Variants in SLC66A2 observed in about 807,000 individuals in gnomAD.
The protein encoded by SLC66A2 is PQ loop repeat containing 1.
SLC66A2 carries 23 observed loss-of-function variants against 25.5 expected under a neutral mutation model. That is an observed-to-expected ratio of 0.90 (90% CI 0.65 to 1.28). SLC66A2 has a LOEUF of 1.28. SLC66A2 is among the 50% of genes most tolerant of loss of function. The pLI is 0.00. For missense variants in SLC66A2, 396 were observed against 373.1 expected, an observed-to-expected ratio of 1.06 and a Z score of -0.51; for synonymous variants, 193 against 166.5, an observed-to-expected ratio of 1.16 and a Z score of -1.23.
Position 79,918,554 on chromosome 18 carries a change from C to T in SLC66A2, c.608+630G>A, listed in dbSNP as rs907680944. On this transcript the variant is annotated intron_variant, in intron 5 of 5. Transcript: ENST00000397778. This position sits in a 1 kb window ranked among gnomAD's most constrained non-coding sequence, Gnocchi z 4.0. ...CTAGAGTTTTCTGCCCCCGCCACAG[C>T]GAGCAGATCTGTTTTTATTACAATG... 1.3e-5 allele frequency among the ~76,000 whole-genome samples: 2 copies of T among 152,182 alleles called. No homozygotes were observed. Among genetic ancestry groups the T allele is most frequent in the Non-Finnish European group, 1.5e-5 (1 of 68,024 alleles).
In SLC66A2 at chr18:79,927,291, T is replaced by C. The variant is rs1206355290; in HGVS notation, c.391+6678A>G. Among the ~76,000 whole-genome samples, 1 of 145,640 alleles carries C rather than the reference T, an allele frequency of 6.9e-6. No individual in the cohort carries two copies. Among genetic ancestry groups the C allele is most frequent in the African/African-American group, 2.8e-5 (1 of 35,812 alleles). ...ACACAGGGGCTCATCTGGAGGGACC[T>C]GAGGGGCACAGGCTACAGTCGGGAG... On this transcript the variant is annotated intron_variant, in intron 4 of 5. Transcript: ENST00000397778. The surrounding 1 kb of genome is among the most constrained non-coding windows in gnomAD (Gnocchi z 6.2).
chr18:79,946,709 TGTAATCCCA>T lies in SLC66A2; in HGVS notation c.204-3256_204-3248del, dbSNP rs1255847635. Among the ~76,000 whole-genome samples, 8 of 152,362 alleles carry T rather than the reference TGTAATCCCA, an allele frequency of 5.3e-5. No individual in the cohort carries two copies. The East Asian group carries it at 1.2e-3, about 22-fold the overall frequency. ...AGGGCTGGGCACAGTGGCTCACACC[TGTAATCCCA>T]GCACTTTGGGAGGCCAAGGCAGGTG... On this transcript the variant is annotated intron_variant, in intron 2 of 5. Coordinates refer to ENST00000397778, the MANE Select transcript of SLC66A2 (RefSeq NM_025078.5).
At chr18:79,938,218 A>G (rs553041898) in intron 3 of SLC66A2, among the ~76,000 whole-genome samples, 4 of 152,270 alleles carry the variant, frequency 2.6e-5, no homozygotes, top group African/African-American at 9.6e-5. Flanking sequence ...TGTGGGTCCA[A>G]TCACCCTCGG....
intron 5 of SLC66A2, among the ~76,000 whole-genome samples, chr18:79,913,159 C>A (rs1188737836): frequency 1.3e-5 from 2 of 152,186 alleles, no homozygotes; most frequent in Non-Finnish European, 2.9e-5. Flanking sequence ...GCTGCAGGCA[C>A]CATGCCACAC....
At chr18:79,928,969 G>A (rs1355367682) in intron 4 of SLC66A2, among the ~76,000 whole-genome samples, 1 of 152,164 alleles carries the variant, frequency 6.6e-6, no homozygotes, top group Non-Finnish European at 1.5e-5. Flanking sequence ...ACCCTCAGAG[G>A]ACCAGAGGTT....
intron 5 of SLC66A2, among the ~76,000 whole-genome samples, chr18:79,913,028 G>A (rs1983467063): frequency 6.6e-6 from 1 of 152,324 alleles, no homozygotes; most frequent in African/African-American, 2.4e-5. Flanking sequence ...TAGAGTTTGG[G>A]TAAGAGCTCG....
At chr18:79,919,034 C>T in intron 5 of SLC66A2, 150 bp downstream of exon 5, 1 of 740,278 alleles carries the variant, frequency 1.4e-6, no homozygotes, top group Non-Finnish European at 2.2e-6. Context: ...GGGGCCAAGG[C>T]CTATAAACCT....
chr18:79,928,699 G>A (rs764041994), intron 4 of SLC66A2, among the ~76,000 whole-genome samples: 2 of 152,080 alleles, frequency 1.3e-5, no homozygotes, highest in South Asian at 2.1e-4. Flanking sequence ...GCAGGCAACC[G>A]AGAAGACAGG....
rs140247340 is a variant in SLC66A2 at position 79,902,501 on chromosome 18, G to A, written c.*1475C>T. ...GTCACTGCGCCTGCAGTCGGCGACA[G>A]TTTAATGTGAGGCAATTACCGCTAC... On this transcript the variant is annotated 3_prime_UTR_variant, in exon 6 of 6. Coordinates refer to ENST00000397778, the MANE Select transcript of SLC66A2 (RefSeq NM_025078.5). 1 of 152,286 alleles carries A rather than the reference G, an allele frequency of 6.6e-6. No individual in the cohort carries two copies. The highest frequency in any genetic ancestry group is 1.5e-5 in the Non-Finnish European group (1 of 68,054). The allele number at this position is 152,286 out of a possible 1,614,324, so 9.4% of individuals were successfully genotyped here.
At chr18:79,938,851 T>C (rs1428199828) in intron 3 of SLC66A2, among the ~76,000 whole-genome samples, 4 of 152,206 alleles carry the variant, frequency 2.6e-5, no homozygotes, top group African/African-American at 9.6e-5. Flanking sequence ...TAACTTTTTG[T>C]ATCTTTAGTA....
intron 4 of SLC66A2, among the ~76,000 whole-genome samples, chr18:79,932,510 C>G (rs1374594353): frequency 6.6e-6 from 1 of 151,780 alleles, no homozygotes; most frequent in African/African-American, 2.4e-5. Context: ...GAAAAAGAAA[C>G]ACCTTTTAAA....
chr18:79,938,620 C>G (rs1415243557), intron 3 of SLC66A2, among the ~76,000 whole-genome samples: 1 of 152,200 alleles, frequency 6.6e-6, no homozygotes, highest in Non-Finnish European at 1.5e-5. Context: ...GGAAAGCATG[C>G]CACGAGGTTC....
intron 5 of SLC66A2, among the ~76,000 whole-genome samples, chr18:79,907,987 G>C (rs945809133): frequency 6.6e-6 from 1 of 152,132 alleles, no homozygotes; most frequent in Non-Finnish European, 1.5e-5. Context: ...GAATGCAGAA[G>C]TCTTAGCACC....
At position 79,950,816 on chromosome 18, in the gene SLC66A2, A is replaced by G. The variant is rs768747575; in HGVS notation, c.111T>C (p.Tyr37=). Residue 37 remains tyrosine (Y), a synonymous_variant, in exon 2 of 6, where the codon TAT becomes TAC. Coordinates refer to ENST00000397778, the MANE Select transcript of SLC66A2 (RefSeq NM_025078.5). ...FGGVVPYVPQ[Y]RDIRRTQNAD... ...CGTTCTGCGTCCTGCGAATGTCCCG[A>G]TACTGCGGGACGTAGGGCACCACCC... is the stretch of plus-strand genomic sequence containing the variant. 1.2e-6 allele frequency: 2 copies of G among 1,612,858 alleles called. No homozygotes were observed. The highest frequency in any genetic ancestry group is 1.7e-6 in the Non-Finnish European group (2 of 1,179,886).
chr18:79,934,108 C>A, intron 3 of SLC66A2, 86 bp from the exon 4 acceptor site: 1 of 1,056,716 alleles, frequency 9.5e-7, no homozygotes, highest in Non-Finnish European at 1.4e-6. Flanking sequence ...GCTGTGTTCC[C>A]AGAACTTTTT....
intron 5 of SLC66A2, among the ~76,000 whole-genome samples, chr18:79,907,992 A>C (rs1982378933): frequency 6.6e-6 from 1 of 152,148 alleles, no homozygotes; most frequent in Non-Finnish European, 1.5e-5. Flanking sequence ...CAGAAGTCTT[A>C]GCACCAAGTT....
intron 3 of SLC66A2, among the ~76,000 whole-genome samples, chr18:79,939,614 C>A (rs145248091): frequency 5.3e-5 from 8 of 152,070 alleles, no homozygotes; most frequent in Non-Finnish European, 8.8e-5. Context: ...ATGCGGCCAA[C>A]AAGCGTATGA....
At position 79,951,040 on chromosome 18, in the gene SLC66A2, G is replaced by A. The variant is rs1414865910; in HGVS notation, c.-99-15C>T. The A allele has an allele frequency of 1.6e-5, 12 of 743,684 alleles. No homozygotes were observed. The East Asian group carries it at 4.0e-4, about 25-fold the overall frequency. 46.1% of individuals were successfully genotyped at this position (743,684 alleles called of 1,614,324 possible). A position where few individuals can be genotyped will look rare whatever the true frequency, so the allele number is the denominator to read the frequency against. ...GGCCTCGGGGCCTGCGGGGAGCGGG[G>A]AGCTGCTCGAGTTCCGCCCAGGGAG... On this transcript the variant is annotated splice_polypyrimidine_tract_variant and intron_variant, in intron 1 of 5. Transcript: ENST00000397778.
chr18:79,950,616 C>A, intron 2 of SLC66A2, 108 bp downstream of exon 2: 4 of 1,045,410 alleles, frequency 3.8e-6, no homozygotes, highest in Non-Finnish European at 5.8e-6. Flanking sequence ...GGGACGCTGG[C>A]CCAGCAGGGA....
Sources: allele counts gnomAD v4.1 joint callset (sites outside exome capture counted in the v4.1 genomes callset), GRCh38; gene constraint gnomAD v4.1.1; non-coding constraint Gnocchi (gnomAD v3.1); transcripts MANE v1.5; gene names NCBI Gene and HGNC (gene_info 2026-07-23, HGNC 2026-07-21).